VPS13B: variants seen among roughly 807,000 people sequenced by gnomAD.
VPS13B encodes the protein vacuolar protein sorting 13 homolog B, also known as intermembrane lipid transfer protein VPS13B.
VPS13B carries 285 observed loss-of-function variants against 426.4 expected under a neutral mutation model. That is an observed-to-expected ratio of 0.67 (90% CI 0.61 to 0.74). VPS13B has a LOEUF of 0.74. Among genes scored for constraint, VPS13B ranks in the 30% least tolerant of loss-of-function variants. VPS13B has a pLI of 0.00. For missense variants in VPS13B, 4,537 were observed against 4,782.6 expected, an observed-to-expected ratio of 0.95 and a Z score of 1.51; for synonymous variants, 1,676 against 1,676.4, an observed-to-expected ratio of 1.00 and a Z score of 0.01.
intron 16 of VPS13B, among the ~76,000 whole-genome samples, chr8:99,190,362 C>T (rs1438577426): frequency 6.7e-6 from 1 of 149,926 alleles, no homozygotes; most frequent in Non-Finnish European, 1.5e-5. Flanking sequence ...TTAATATAAT[C>T]GAAGAATCTC....
chr8:99,509,789 A>C (rs1821691655), intron 28 of VPS13B, among the ~76,000 whole-genome samples: 1 of 152,140 alleles, frequency 6.6e-6, no homozygotes, highest in South Asian at 2.1e-4. Flanking sequence ...GTTCTCCTCT[A>C]ATTCTATGCT....
chr8:99,588,741 C>T (rs1826439069), intron 33 of VPS13B, among the ~76,000 whole-genome samples: 1 of 151,726 alleles, frequency 6.6e-6, no homozygotes, highest in South Asian at 2.1e-4. Flanking sequence ...TCTAAATATA[C>T]AGTCATGTCA....
At chr8:99,103,246 G>A (rs1846856827) in intron 5 of VPS13B, 126 bp downstream of exon 5, 2 of 1,074,396 alleles carry the variant, frequency 1.9e-6, no homozygotes, top group Admixed American at 3.8e-5. Context: ...TCCAGTGTGG[G>A]AAAAAAATGC....
intron 33 of VPS13B, among the ~76,000 whole-genome samples, chr8:99,601,898 A>C (rs1242992777): frequency 6.6e-6 from 1 of 152,074 alleles, no homozygotes; most frequent in Non-Finnish European, 1.5e-5. Flanking sequence ...AGATATTAGC[A>C]CTTTGTCAGA....
At chr8:99,260,595 C>T (rs1421488293) in intron 17 of VPS13B, among the ~76,000 whole-genome samples, 2 of 151,912 alleles carry the variant, frequency 1.3e-5, no homozygotes, top group Admixed American at 6.6e-5. Context: ...TTGTATTAAC[C>T]TATTTGCAAT....
chr8:99,656,301 A>G (rs1342779149), intron 34 of VPS13B, among the ~76,000 whole-genome samples: 1 of 152,182 alleles, frequency 6.6e-6, no homozygotes, highest in African/African-American at 2.4e-5. Flanking sequence ...GTTACTCCTC[A>G]TAAGATAAGA....
At chr8:99,204,171 A>T (rs778615596) in intron 17 of VPS13B, among the ~76,000 whole-genome samples, 1 of 152,210 alleles carries the variant, frequency 6.6e-6, no homozygotes, top group Non-Finnish European at 1.5e-5. Context: ...ATATAGAACA[A>T]TGGAACAGAA....
chr8:99,267,478 C>T (rs2132970133), intron 17 of VPS13B, among the ~76,000 whole-genome samples: 1 of 152,102 alleles, frequency 6.6e-6, no homozygotes. Flanking sequence ...GCCTGTATTC[C>T]CAGCACTTTG....
intron 3 of VPS13B, among the ~76,000 whole-genome samples, chr8:99,059,361 G>A (rs1351407838): frequency 1.3e-5 from 2 of 152,192 alleles, no homozygotes; most frequent in Non-Finnish European, 2.9e-5. Flanking sequence ...TTTTGGTAGA[G>A]ACGGGGTTTC....
intron 14 of VPS13B, among the ~76,000 whole-genome samples, chr8:99,150,542 C>T (rs966706894): frequency 2.0e-5 from 3 of 152,222 alleles, no homozygotes; most frequent in Admixed American, 6.5e-5. Flanking sequence ...GCCTATTCAT[C>T]CCTTCCTCTC....
chr8:99,140,216 T>G (rs1185043247), intron 12 of VPS13B, among the ~76,000 whole-genome samples: 3 of 151,684 alleles, frequency 2.0e-5, no homozygotes, highest in Non-Finnish European at 4.4e-5. Context: ...AATACAAAAA[T>G]TAGCCGGGGG....
In VPS13B at chr8:99,481,800, G is replaced by C. The variant is rs1271415103; in HGVS notation, c.3868G>C (p.Glu1290Gln). Residue 1290 changes from glutamate to glutamine, a missense_variant and splice_region_variant, in exon 25 of 62, where the codon GAG becomes CAG. By Grantham distance (29) the Glu-to-Gln change is conservative (BLOSUM62 2). Transcript: ENST00000357162. Reference protein sequence around the residue: ...SPSADIGTTTEGDSIQAGEES... With the variant: ...SPSADIGTTTQGDSIQAGEES... ...ATCTGCTGACATTGGGACTACTACT[G>C]AGGTAAGTGTTTTTGAAAATCCTGT... is the stretch of plus-strand genomic sequence containing the variant. 3 of 1,613,560 alleles carry C rather than the reference G, an allele frequency of 1.9e-6. No individual in the cohort carries two copies. The highest frequency in any genetic ancestry group is 2.5e-6 in the Non-Finnish European group (3 of 1,179,752).
At chr8:99,656,678 T>C (rs917288032) in intron 34 of VPS13B, among the ~76,000 whole-genome samples, 1 of 152,326 alleles carries the variant, frequency 6.6e-6, no homozygotes, top group South Asian at 2.1e-4. Flanking sequence ...GGGTGACTTT[T>C]GAACTTGAGC....
Position 99,585,799 on chromosome 8 carries a change from A to G in VPS13B, c.5220+8166A>G, listed in dbSNP as rs147736805. ...AAGAATGTCTGCTTACATCACTTCTATTTAACATTGTACTGGAAGTTCTAG... is the reference window on the plus strand; with the variant it reads ...AAGAATGTCTGCTTACATCACTTCTGTTTAACATTGTACTGGAAGTTCTAG... On this transcript the variant is annotated intron_variant, in intron 33 of 61. Transcript: ENST00000357162. Among the ~76,000 whole-genome samples, 7 of 152,284 alleles carry G rather than the reference A, an allele frequency of 4.6e-5. No individual in the cohort carries two copies. The East Asian group carries it at 9.7e-4, about 21-fold the overall frequency.
rs112836718 is a variant in VPS13B at position 99,027,545 on chromosome 8, T to A, written c.148-10878T>A. ...ATTTCTTCTACATCTAGTCTAGTGG[T>A]GATAAATTACCTCATTTTTTGCTTC... is the stretch of plus-strand genomic sequence containing the variant. On this transcript the variant is annotated intron_variant, in intron 2 of 61. Coordinates refer to ENST00000357162, the MANE Select transcript of VPS13B (RefSeq NM_152564.5). 1.8e-4 allele frequency among the ~76,000 whole-genome samples: 27 copies of A among 151,930 alleles called. 1 individual carries two copies. In the Middle Eastern group the frequency reaches 0.024, roughly 134 times the overall value.
In VPS13B at chr8:99,437,996, T is replaced by G. The variant is rs551002837; in HGVS notation, c.3211-4405T>G. On this transcript the variant is annotated intron_variant, in intron 22 of 61. Transcript: ENST00000357162. ...TTGGTCATTTACATCGAAGTTCATCTTGCTGTCCTATGACATGTACTAGCA... is the reference window on the plus strand; with the variant it reads ...TTGGTCATTTACATCGAAGTTCATCGTGCTGTCCTATGACATGTACTAGCA... 3.4e-4 allele frequency among the ~76,000 whole-genome samples: 52 copies of G among 152,090 alleles called. 1 individual carries two copies. The South Asian group carries it at 9.6e-3, about 28-fold the overall frequency.
chr8:99,737,322 G>T (rs867653156), intron 39 of VPS13B, among the ~76,000 whole-genome samples: 1 of 151,184 alleles, frequency 6.6e-6, no homozygotes, highest in Non-Finnish European at 1.5e-5. Flanking sequence ...GGGTTTCACC[G>T]TGTTAGCCAG....
chr8:99,368,231 C>A (rs1247885748), intron 19 of VPS13B, among the ~76,000 whole-genome samples: 1 of 152,156 alleles, frequency 6.6e-6, no homozygotes. Flanking sequence ...TTTGACCATT[C>A]CTTAATTTCC....
At chr8:99,341,653 G>A (rs569905780) in intron 19 of VPS13B, 3 of 297,892 alleles carry the variant, frequency 1.0e-5, no homozygotes, top group Non-Finnish European at 2.1e-5. Flanking sequence ...CAGTGTACGT[G>A]ATCTTTGGCT....
Sources: allele counts gnomAD v4.1 joint callset (sites outside exome capture counted in the v4.1 genomes callset), GRCh38; gene constraint gnomAD v4.1.1; transcripts MANE v1.5; gene names NCBI Gene and HGNC (gene_info 2026-07-23, HGNC 2026-07-21).